CD300C: variants seen among roughly 807,000 people sequenced by gnomAD.
CD300C encodes the protein CMRF35-like molecule 6.
Under a neutral mutation model 18.4 loss-of-function variants are expected in CD300C, and 11 were observed. The ratio of observed to expected loss-of-function variants is 0.60; its 90% CI spans 0.38 to 0.99. The LOEUF (loss-of-function observed/expected upper bound fraction) is 0.99, where lower values mean the gene tolerates loss of function less well. CD300C is among the 50% of genes least tolerant of loss of function. The pLI is 0.01. For synonymous variants in CD300C, 116 were observed against 116.3 expected, an observed-to-expected ratio of 1.00 and a Z score of 0.02; for missense variants, 277 against 287.4, an observed-to-expected ratio of 0.96 and a Z score of 0.26.
chr17:74,540,625 C>G (rs572181109), downstream of CD300C, among the ~76,000 whole-genome samples: 36 of 152,262 alleles, frequency 2.4e-4, no homozygotes, highest in East Asian at 6.8e-3. Flanking sequence ...GGGTGTTGGC[C>G]AGGTCATCAT....
intron 1 of CD300C, 28 bp downstream of exon 1, chr17:74,545,694 T>C (rs202013168): frequency 1.3e-6 from 2 of 1,571,218 alleles, no homozygotes; most frequent in Non-Finnish European, 1.7e-6. Flanking sequence ...AGGACAGAGC[T>C]CCCCAAGTCC....
At position 74,543,415 on chromosome 17, in the gene CD300C, C is replaced by T. The variant is rs189615195; in HGVS notation, c.401-428G>A. ...GGAAGTCAGTGGGGTCCTCCCTGAA[C>T]GATGGGACCCGAGTCCACTCAGCCC... On this transcript the variant is annotated intron_variant, in intron 2 of 3. Transcript: ENST00000330793. 2.5e-4 allele frequency among the ~76,000 whole-genome samples: 38 copies of T among 152,358 alleles called. No homozygotes were observed. In the East Asian group the frequency reaches 4.4e-3, roughly 18 times the overall value.
the CD300C span, among the ~76,000 whole-genome samples, chr17:74,536,069 C>A: frequency 1.3e-5 from 2 of 151,840 alleles, no homozygotes; most frequent in African/African-American, 4.8e-5. Context: ...CAAGGACTTA[C>A]CTGTGAAAGG....
At chr17:74,540,658 T>C (rs1338794129), downstream of CD300C, among the ~76,000 whole-genome samples, 1 of 152,094 alleles carries the variant, frequency 6.6e-6, no homozygotes, top group African/African-American at 2.4e-5. Context: ...ACTGAAATGG[T>C]GGGCAAATGA....
downstream of CD300C, among the ~76,000 whole-genome samples, chr17:74,536,771 T>C (rs1318536796): frequency 2.0e-5 from 3 of 152,132 alleles, no homozygotes; most frequent in Non-Finnish European, 4.4e-5. Context: ...GAAGCAAAAA[T>C]TGGTGCAGTT....
At chr17:74,537,027 G>A (rs964439496), downstream of CD300C, among the ~76,000 whole-genome samples, 2 of 149,556 alleles carry the variant, frequency 1.3e-5, no homozygotes, top group Admixed American at 6.7e-5. Flanking sequence ...AGGAAGAGGA[G>A]GAAAAAAAGA....
chr17:74,544,552 C>T, intron 2 of CD300C, 57 bp downstream of exon 2: 1 of 1,550,084 alleles, frequency 6.5e-7, no homozygotes, highest in South Asian at 1.2e-5. Context: ...TCTTCAGGGA[C>T]AGAATGACCA....
chr17:74,543,136 G>A lies in CD300C; in HGVS notation c.401-149C>T, dbSNP rs994194719. ...CATCATGCCCCACGGCCACACCCAG[G>A]CCTGACCAGGGTCCTGGGCCTCTCC... On this transcript the variant is annotated intron_variant, in intron 2 of 3. Transcript: ENST00000330793. 1.5e-5 allele frequency: 16 copies of A among 1,072,808 alleles called. No homozygotes were observed. The African/African-American group carries it at 2.4e-4, about 16-fold the overall frequency. 66.5% of individuals were successfully genotyped at this position (1,072,808 alleles called of 1,614,324 possible).
At chr17:74,543,736 G>A (rs781082250) in intron 2 of CD300C, among the ~76,000 whole-genome samples, 6 of 152,168 alleles carry the variant, frequency 3.9e-5, no homozygotes, top group Admixed American at 1.3e-4. Flanking sequence ...AGAAGAAAAC[G>A]ATGGAAAAGC....
chr17:74,541,603 C>T lies in CD300C; in HGVS notation c.661G>A (p.Gly221Ser). The part of the protein sequence containing the change: ...SSRSRQNWPK[G>S]ENQ ...GACAGCAGATGCTACTGGTTCTCACCCTTGGGCCAATTCTGCCTGCTTCTA... is the reference window on the plus strand; with the variant it reads ...GACAGCAGATGCTACTGGTTCTCACTCTTGGGCCAATTCTGCCTGCTTCTA... Residue 221 changes from glycine (G) to serine (S), a missense_variant, in exon 4 of 4, where the codon GGT (glycine) becomes AGT (serine). Transcript: ENST00000330793. 6.2e-7 allele frequency: 1 copy of T among 1,613,526 alleles called. No individual in the cohort carries two copies. The highest frequency in any genetic ancestry group is 8.5e-7 in the Non-Finnish European group (1 of 1,179,492).
downstream of CD300C, among the ~76,000 whole-genome samples, chr17:74,536,940 AAAG>A (rs576182105): frequency 3.2e-3 from 491 of 152,244 alleles, 2 homozygotes; most frequent in African/African-American, 0.011. Context: ...GGCAACACAA[AAAG>A]AAGAGAAGGA....
chr17:74,536,931 G>A (rs1252416436), downstream of CD300C, among the ~76,000 whole-genome samples: 2 of 151,598 alleles, frequency 1.3e-5, no homozygotes, highest in African/African-American at 2.4e-5. Flanking sequence ...ATAAGTAATG[G>A]CAACACAAAA....
At chr17:74,535,131 A>G in the CD300C span, among the ~76,000 whole-genome samples, 2 of 152,234 alleles carry the variant, frequency 1.3e-5, no homozygotes, top group African/African-American at 4.8e-5. Flanking sequence ...TCAATTGTTT[A>G]TCTACATGCA....
downstream of CD300C, among the ~76,000 whole-genome samples, chr17:74,537,830 G>T (rs947470590): frequency 6.6e-6 from 1 of 152,180 alleles, no homozygotes; most frequent in African/African-American, 2.4e-5. Flanking sequence ...TGTGGTGCAT[G>T]CCTGTAGTCC....
rs544776302 is a variant in CD300C at position 74,542,517 on chromosome 17, A to G, written c.527+344T>C. Among the ~76,000 whole-genome samples the G allele has an allele frequency of 6.6e-5, 10 of 152,144 alleles. No homozygotes were observed. In the South Asian group the frequency reaches 1.9e-3, roughly 28 times the overall value. Reference sequence around the variant, plus strand: ...TCTGATCATCGTCAGTGAAATAGCAACTCCAACACCTGCACACGCTCTCCC... The same window carrying G: ...TCTGATCATCGTCAGTGAAATAGCAGCTCCAACACCTGCACACGCTCTCCC... On this transcript the variant is annotated intron_variant, in intron 3 of 3. Coordinates refer to ENST00000330793, the MANE Select transcript of CD300C (RefSeq NM_006678.5).
intron 3 of CD300C, 144 bp from the exon 4 acceptor site, chr17:74,541,880 C>T: frequency 1.2e-6 from 1 of 808,178 alleles, no homozygotes. Flanking sequence ...CCCGTCTCAG[C>T]ATCACGGCCC....
chr17:74,539,776 G>A (rs553708980), downstream of CD300C, among the ~76,000 whole-genome samples: 1 of 152,276 alleles, frequency 6.6e-6, no homozygotes, highest in South Asian at 2.1e-4. Flanking sequence ...CCTGGGTTAT[G>A]GTGGCTTCCT....
At chr17:74,543,972 G>T (rs560277720) in intron 2 of CD300C, among the ~76,000 whole-genome samples, 79 of 152,288 alleles carry the variant, frequency 5.2e-4, no homozygotes, top group African/African-American at 1.8e-3. Context: ...GCAGGATGTG[G>T]TTCCCAGGAG....
At chr17:74,535,624 A>G in the CD300C span, among the ~76,000 whole-genome samples, 1 of 152,102 alleles carries the variant, frequency 6.6e-6, no homozygotes, top group African/African-American at 2.4e-5. Context: ...ATTACATACC[A>G]TGTTCATAGA....
Sources: gnomAD v4.1 joint callset for allele counts (sites outside exome capture counted in the v4.1 genomes callset) on GRCh38, gnomAD v4.1.1 for gene constraint, MANE v1.5 for transcripts, NCBI Gene and HGNC (gene_info 2026-07-23, HGNC 2026-07-21) for gene names.